The following SMAD4 variants were observed in gnomAD, a reference collection of about 807,000 sequenced individuals.
SMAD4 encodes the protein SMAD family member 4, also known as MAD homolog 4.
Under a neutral mutation model 63.2 loss-of-function variants are expected in SMAD4, and 7 were observed. The ratio of observed to expected loss-of-function variants is 0.11; its 90% CI spans 0.06 to 0.21. The LOEUF is 0.21. SMAD4 is among the 10% of genes least tolerant of loss of function. The pLI is 1.00. For synonymous variants in SMAD4, 215 were observed against 235.4 expected (o/e 0.91, Z 0.79); for missense variants, 312 against 693.8 (o/e 0.45, Z 6.18).
chr18:51,068,569 A>G (rs1910227510), intron 10 of SMAD4, among the ~76,000 whole-genome samples: 1 of 152,204 alleles, frequency 6.6e-6, no homozygotes, highest in East Asian at 1.9e-4. Flanking sequence ...GAATAAAGCA[A>G]TAAAGTATTA....
chr18:51,071,006 C>T (rs1183908616), intron 10 of SMAD4, among the ~76,000 whole-genome samples: 1 of 152,058 alleles, frequency 6.6e-6, no homozygotes, highest in Non-Finnish European at 1.5e-5. Context: ...ATAGTATATG[C>T]ACAGTACTAT....
chr18:51,044,485 A>G (rs1410378984), intron 1 of SMAD4, among the ~76,000 whole-genome samples: 1 of 152,168 alleles, frequency 6.6e-6, no homozygotes, highest in Non-Finnish European at 1.5e-5. Flanking sequence ...TTGACCTCCC[A>G]AGGCTCAGGT....
intron 4 of SMAD4, among the ~76,000 whole-genome samples, chr18:51,050,160 C>T (rs763954671): frequency 1.3e-5 from 2 of 151,928 alleles, no homozygotes; most frequent in Non-Finnish European, 2.9e-5. Context: ...GAGTTTGACA[C>T]CAGCCTGGCC....
At chr18:51,030,982 A>G (rs964105845) in intron 1 of SMAD4, among the ~76,000 whole-genome samples, 2 of 152,152 alleles carry the variant, frequency 1.3e-5, no homozygotes, top group African/African-American at 2.4e-5. Context: ...GTGTTGCCTT[A>G]GGGTCTAAGT....
At chr18:51,033,275 C>T (rs1404187292) in intron 1 of SMAD4, among the ~76,000 whole-genome samples, 1 of 151,754 alleles carries the variant, frequency 6.6e-6, no homozygotes, top group Admixed American at 6.6e-5. Flanking sequence ...CTGCAAACCC[C>T]GCCTTCCGGG....
chr18:51,043,933 G>C (rs958736492), intron 1 of SMAD4, among the ~76,000 whole-genome samples: 8 of 152,128 alleles, frequency 5.3e-5, no homozygotes, highest in African/African-American at 1.9e-4. Flanking sequence ...ACACTTGCCT[G>C]GTATATGTCA....
At chr18:51,077,663 C>A (rs549055416) in intron 11 of SMAD4, among the ~76,000 whole-genome samples, 107 of 152,080 alleles carry the variant, frequency 7.0e-4, no homozygotes, top group Non-Finnish European at 5.6e-4. Context: ...TGGGGTGATA[C>A]CATTAATTTG....
Position 51,079,534 on chromosome 18 carries a change from G to A in SMAD4, c.*1067G>A, listed in dbSNP as rs542839921. ...TTGATGTGACTTTTTTTGGTATAATGTTTAAATCATGTATGTTATGATATT... is the reference window on the plus strand; with the variant it reads ...TTGATGTGACTTTTTTTGGTATAATATTTAAATCATGTATGTTATGATATT... On this transcript the variant is annotated 3_prime_UTR_variant, in exon 12 of 12. Transcript: ENST00000342988. 26 of 233,360 alleles carry A rather than the reference G, an allele frequency of 1.1e-4. No homozygotes were observed. The South Asian group carries it at 2.4e-3, about 21-fold the overall frequency. The allele number at this position is 233,360 out of a possible 1,614,324, so 14.5% of individuals were successfully genotyped here.
At chr18:51,036,283 T>TA (rs1402700176) in intron 1 of SMAD4, among the ~76,000 whole-genome samples, 9 of 152,220 alleles carry the variant, frequency 5.9e-5, no homozygotes, top group African/African-American at 2.2e-4. Flanking sequence ...TGTATGTTAA[T>TA]ATGGATGAAT....
At chr18:51,046,582 C>A (rs1909550118) in intron 1 of SMAD4, among the ~76,000 whole-genome samples, 1 of 151,712 alleles carries the variant, frequency 6.6e-6, no homozygotes, top group African/African-American at 2.4e-5. Flanking sequence ...ATAAGTAATC[C>A]TTTAAAAAAG....
intron 1 of SMAD4, among the ~76,000 whole-genome samples, chr18:51,044,066 A>C (rs1253883119): frequency 6.6e-6 from 1 of 152,234 alleles, no homozygotes; most frequent in Non-Finnish European, 1.5e-5. Flanking sequence ...GTTACATTGT[A>C]ATTTACACAT....
At chr18:51,072,229 C>T (rs548221886) in intron 10 of SMAD4, among the ~76,000 whole-genome samples, 1 of 152,268 alleles carries the variant, frequency 6.6e-6, no homozygotes, top group East Asian at 1.9e-4. Context: ...GTGAGGGTTC[C>T]AATTTCTCTA....
chr18:51,058,866 A>C (rs533058301), intron 7 of SMAD4, among the ~76,000 whole-genome samples: 16 of 152,284 alleles, frequency 1.1e-4, no homozygotes, highest in African/African-American at 3.6e-4. Context: ...TCTATAGATA[A>C]CTCTGTGCTG....
chr18:51,065,686 A>G (rs141880128), intron 9 of SMAD4, 80 bp downstream of exon 9: 11 of 1,135,970 alleles, frequency 9.7e-6, no homozygotes, highest in Middle Eastern at 2.2e-4. Context: ...ATGTTTTCCC[A>G]TGTACATTAT....
In SMAD4 at chr18:51,078,528, G is replaced by C; in HGVS notation, c.*61G>C. On this transcript the variant is annotated 3_prime_UTR_variant, in exon 12 of 12. Coordinates refer to ENST00000342988, the MANE Select transcript of SMAD4 (RefSeq NM_005359.6). ...ATGGTGGACTACAAAATACAATCCTGTTTATAATCTGAAGATATATTTCAC... is the reference window on the plus strand; with the variant it reads ...ATGGTGGACTACAAAATACAATCCTCTTTATAATCTGAAGATATATTTCAC... 1 of 1,120,680 alleles carries C rather than the reference G, an allele frequency of 8.9e-7. No homozygotes were observed. The highest frequency in any genetic ancestry group is 1.3e-6 in the Non-Finnish European group (1 of 754,164). The allele number at this position is 1,120,680 out of a possible 1,614,324, so 69.4% of individuals were successfully genotyped here. A position where few individuals can be genotyped will look rare whatever the true frequency, so the allele number is the denominator to read the frequency against.
intron 1 of SMAD4, among the ~76,000 whole-genome samples, chr18:51,046,023 T>G (rs1909533051): frequency 1.3e-5 from 2 of 152,230 alleles, no homozygotes; most frequent in Admixed American, 6.5e-5. Flanking sequence ...TATGCATTCA[T>G]CAGTTGATGG....
At chr18:51,073,724 T>A (rs912941948) in intron 10 of SMAD4, among the ~76,000 whole-genome samples, 2 of 151,608 alleles carry the variant, frequency 1.3e-5, no homozygotes, top group African/African-American at 4.8e-5. Flanking sequence ...AGAGATGGGG[T>A]CTCACCATGT....
chr18:51,047,223 A>G lies in SMAD4; in HGVS notation c.177A>G (p.Thr59=), dbSNP rs774480995. The change falls in exon 2 of 12, where the codon ACA becomes ACG. Residue 59 remains threonine (T), a synonymous_variant. Coordinates refer to ENST00000342988, the MANE Select transcript of SMAD4 (RefSeq NM_005359.6). ...EKKDELDSLI[T]AITTNGAHPS... ...AAGATGAATTGGATTCTTTAATAAC[A>G]GCTATAACTACAAATGGAGCTCATC... 1.2e-6 allele frequency: 2 copies of G among 1,613,680 alleles called. No homozygotes were observed. The highest frequency in any genetic ancestry group is 3.3e-5 in the Admixed American group (2 of 60,020).
intron 1 of SMAD4, among the ~76,000 whole-genome samples, chr18:51,034,090 T>C (rs1385554428): frequency 6.6e-6 from 1 of 152,168 alleles, no homozygotes; most frequent in Non-Finnish European, 1.5e-5. Context: ...ATTATTTATA[T>C]TCCAAATGAG....
Sources: allele counts gnomAD v4.1 joint callset (sites outside exome capture counted in the v4.1 genomes callset), GRCh38; gene constraint gnomAD v4.1.1; transcripts MANE v1.5; gene names NCBI Gene and HGNC (gene_info 2026-07-23, HGNC 2026-07-21).